The following PPP2R2C variants were observed in gnomAD, a reference collection of about 807,000 sequenced individuals.
PPP2R2C encodes protein phosphatase 2, regulatory subunit B, gamma.
Under a neutral mutation model 45.3 loss-of-function variants are expected in PPP2R2C, and 10 were observed. That is an observed-to-expected ratio of 0.22 (90% CI 0.14 to 0.37). PPP2R2C has a LOEUF of 0.37. PPP2R2C is among the 10% of genes least tolerant of loss of function. PPP2R2C has a pLI of 1.00. For synonymous variants in PPP2R2C, 257 were observed against 245.4 expected (o/e 1.05, Z -0.44); for missense variants, 308 against 619.7 (o/e 0.50, Z 5.34).
intron 1 of PPP2R2C, chr4:6,383,289 G>C: frequency 1.6e-6 from 2 of 1,262,302 alleles, no homozygotes; most frequent in Middle Eastern, 2.2e-4. Context: ...CTGACCCACA[G>C]AGCAGGGCAA....
chr4:6,383,194 A>G (rs1715979704), intron 1 of PPP2R2C: 1 of 1,188,034 alleles, frequency 8.4e-7, no homozygotes. Flanking sequence ...AGGCTGGCCC[A>G]CTGGCCCCTG....
intron 1 of PPP2R2C, chr4:6,382,446 G>A (rs369288268): frequency 3.3e-5 from 44 of 1,351,898 alleles, no homozygotes; most frequent in East Asian, 3.2e-4. Flanking sequence ...GGCGGCCAAC[G>A]TGATGACCAA....
At chr4:6,511,546 ATGGTGGTGGTGGTGGTGGTGG>A (rs1560593922) in intron 2 of PPP2R2C, among the ~76,000 whole-genome samples, 3 of 4,368 alleles carry the variant, frequency 6.9e-4, no homozygotes, top group Non-Finnish European at 1.4e-3. Flanking sequence ...GGTGGTGGTG[ATGGTGGTGGTGGTGGTGGTGG>A]TGGTGATGGC....
intron 3 of PPP2R2C, among the ~76,000 whole-genome samples, chr4:6,377,695 A>G (rs936954770): frequency 4.6e-5 from 7 of 152,020 alleles, no homozygotes; most frequent in African/African-American, 7.2e-5. Context: ...GGTGTGTCCT[A>G]CCCGACCCCA....
chr4:6,495,422 G>A (rs533941940), intron 2 of PPP2R2C, among the ~76,000 whole-genome samples: 13 of 152,342 alleles, frequency 8.5e-5, no homozygotes, highest in African/African-American at 3.1e-4. Context: ...CACAGTACCT[G>A]GCATGCAGAG....
chr4:6,559,483 G>A (rs1253924338), intron 1 of PPP2R2C, among the ~76,000 whole-genome samples: 2 of 151,380 alleles, frequency 1.3e-5, no homozygotes, highest in African/African-American at 2.4e-5. Context: ...TTTGCAACAC[G>A]CAGCATCTGT....
At chr4:6,560,422 C>G (rs1016236850) in intron 1 of PPP2R2C, among the ~76,000 whole-genome samples, 1 of 152,208 alleles carries the variant, frequency 6.6e-6, no homozygotes, top group African/African-American at 2.4e-5. Context: ...TGACCAAGGA[C>G]AAGCCTTGGG....
intron 1 of PPP2R2C, among the ~76,000 whole-genome samples, chr4:6,558,994 C>T (rs1186243708): frequency 6.6e-6 from 1 of 152,250 alleles, no homozygotes; most frequent in African/African-American, 2.4e-5. Flanking sequence ...GCCAGGAGTG[C>T]ACAGGAAAGA....
At chr4:6,356,286 G>A (rs1295425145) in intron 5 of PPP2R2C, among the ~76,000 whole-genome samples, 1 of 152,186 alleles carries the variant, frequency 6.6e-6, no homozygotes, top group East Asian at 1.9e-4. Flanking sequence ...GGCTGGGTGG[G>A]ACTAGCTTCG....
intron 1 of PPP2R2C, among the ~76,000 whole-genome samples, chr4:6,554,237 A>G (rs1725285349): frequency 6.6e-6 from 1 of 152,212 alleles, no homozygotes; most frequent in Admixed American, 6.5e-5. Context: ...TGCCCTCATC[A>G]AAGAGGAAAT....
rs1031746718 is a variant in PPP2R2C, at chr4:6,441,214, T to C, written c.70+30946A>G. On this transcript the variant is annotated intron_variant, in intron 1 of 8. Coordinates refer to ENST00000382599, the MANE Select transcript of PPP2R2C (RefSeq NM_020416.4). ...GGAAAAAAGCACCTCAGGGCCCTCA[T>C]GCATGAAAACACTAAAGTGATTAGG... Among the ~76,000 whole-genome samples, 3 of 152,172 alleles carry C rather than the reference T, an allele frequency of 2.0e-5. No homozygotes were observed. In the East Asian group the frequency reaches 5.8e-4, roughly 29 times the overall value.
chr4:6,414,068 G>T (rs1452858428), intron 1 of PPP2R2C: 2 of 1,413,224 alleles, frequency 1.4e-6, no homozygotes, highest in South Asian at 1.4e-5. Flanking sequence ...CATAAGTTTT[G>T]CCTGTGTATG....
chr4:6,439,497 T>G (rs1265652682), intron 1 of PPP2R2C, among the ~76,000 whole-genome samples: 5 of 152,220 alleles, frequency 3.3e-5, no homozygotes. Flanking sequence ...AAAAGGCTCT[T>G]TCCTCTCATT....
At chr4:6,386,624 G>A (rs1352540095) in intron 1 of PPP2R2C, among the ~76,000 whole-genome samples, 1 of 152,192 alleles carries the variant, frequency 6.6e-6, no homozygotes, top group Non-Finnish European at 1.5e-5. Flanking sequence ...TCTTTGGGGA[G>A]AAGTAACAAA....
intron 3 of PPP2R2C, among the ~76,000 whole-genome samples, chr4:6,377,187 G>C (rs1038431055): frequency 6.6e-6 from 1 of 152,234 alleles, no homozygotes; most frequent in Non-Finnish European, 1.5e-5. Context: ...GGACGTCCTC[G>C]GGGAAGGCGT....
intron 1 of PPP2R2C, among the ~76,000 whole-genome samples, chr4:6,541,177 G>A (rs62286157): frequency 0.13 from 20,381 of 152,092 alleles, 1,455 homozygotes; most frequent in Non-Finnish European, 0.17. Context: ...GGGTCCCATG[G>A]CCACCTCTGC....
chr4:6,393,491 T>C (rs1011090767), intron 1 of PPP2R2C, among the ~76,000 whole-genome samples: 3 of 152,238 alleles, frequency 2.0e-5, no homozygotes, highest in African/African-American at 4.8e-5. Flanking sequence ...GGCTGGTCCC[T>C]TTCTCTTCCA....
chr4:6,379,989 T>TCCTCCTCC (rs1715653288), intron 2 of PPP2R2C: 1 of 150,668 alleles, frequency 6.6e-6, no homozygotes. Context: ...CCTTCTCTTC[T>TCCTCCTCC]CCTCCTCCCC....
At chr4:6,361,055 T>C (rs1463341003) in intron 5 of PPP2R2C, among the ~76,000 whole-genome samples, 1 of 152,228 alleles carries the variant, frequency 6.6e-6, no homozygotes, top group Non-Finnish European at 1.5e-5. Flanking sequence ...TCTCCAAATA[T>C]AGTCTCATTC....
Sources: allele counts gnomAD v4.1 joint callset (sites outside exome capture counted in the v4.1 genomes callset), GRCh38; gene constraint gnomAD v4.1.1; transcripts MANE v1.5; gene names NCBI Gene and HGNC (gene_info 2026-07-23, HGNC 2026-07-21).